The following LRIF1 variants were observed in gnomAD, a reference collection of about 807,000 sequenced individuals.
The protein encoded by LRIF1 is ligand dependent nuclear receptor interacting factor 1.
In LRIF1, 32 loss-of-function variants were observed where a neutral mutation model predicts 52.7. The ratio of observed to expected loss-of-function variants is 0.61; its 90% confidence interval spans 0.46 to 0.82. The LOEUF is 0.82. Ranked by LOEUF, LRIF1 falls within the 40% of genes least tolerant of loss-of-function variation. The pLI is 0.00. For synonymous variants in LRIF1, 323 were observed against 317.4 expected (o/e 1.02, Z -0.19); for missense variants, 887 against 892.0 (o/e 0.99, Z 0.07).
chr1:110,944,894 C>CG (rs929492867), downstream of LRIF1: 1 of 133,748 alleles, frequency 7.5e-6, no homozygotes, highest in Non-Finnish European at 1.6e-5. Context: ...CTCAAGGTTG[C>CG]TGTTTTTTTT....
chr1:110,891,000 C>G, the LRIF1 span, among the ~76,000 whole-genome samples: 4 of 152,246 alleles, frequency 2.6e-5, no homozygotes, highest in East Asian at 7.7e-4. Context: ...TGTTGGCTTT[C>G]TTGATGGCTG....
At chr1:110,929,208 T>A in the LRIF1 span, among the ~76,000 whole-genome samples, 1 of 152,354 alleles carries the variant, frequency 6.6e-6, no homozygotes, top group Non-Finnish European at 1.5e-5. Context: ...CTATTGTGAA[T>A]AGTGCTACAA....
At chr1:110,963,349 C>G (rs900530499) in intron 1 of LRIF1, 3 of 270,572 alleles carry the variant, frequency 1.1e-5, no homozygotes, top group Non-Finnish European at 2.1e-5. Flanking sequence ...GTTTTCATCT[C>G]CCGTGGAGAT....
the LRIF1 span, among the ~76,000 whole-genome samples, chr1:110,930,754 T>C: frequency 6.6e-6 from 1 of 152,174 alleles, no homozygotes; most frequent in Admixed American, 6.5e-5. Flanking sequence ...TACCACAATA[T>C]GCACAAAAAA....
At chr1:110,957,023 T>A (rs962264198) in intron 1 of LRIF1, among the ~76,000 whole-genome samples, 1 of 152,136 alleles carries the variant, frequency 6.6e-6, no homozygotes, top group African/African-American at 2.4e-5. Context: ...TTACCTATCA[T>A]AGTTTCCACT....
the LRIF1 span, chr1:110,896,693 G>A: frequency 6.2e-7 from 1 of 1,613,650 alleles, no homozygotes; most frequent in Non-Finnish European, 8.5e-7. Context: ...GATTGGACCA[G>A]TGGCCCACCA....
the LRIF1 span, among the ~76,000 whole-genome samples, chr1:110,886,549 TA>T: frequency 6.6e-6 from 1 of 152,172 alleles, no homozygotes; most frequent in South Asian, 2.1e-4. Flanking sequence ...TCTGTTCATT[TA>T]AAACATTTTA....
At chr1:110,899,641 A>G in the LRIF1 span, 1 of 165,550 alleles carries the variant, frequency 6.0e-6, no homozygotes, top group East Asian at 1.9e-4. Flanking sequence ...GACCATTGTC[A>G]CAACCCTCTG....
At chr1:110,927,656 A>G in the LRIF1 span, among the ~76,000 whole-genome samples, 2 of 152,158 alleles carry the variant, frequency 1.3e-5, no homozygotes, top group African/African-American at 2.4e-5. Flanking sequence ...AGTAGATCAG[A>G]GACAATACGG....
intron 2 of LRIF1, among the ~76,000 whole-genome samples, chr1:110,950,496 A>G (rs1286828310): frequency 6.6e-6 from 1 of 152,146 alleles, no homozygotes; most frequent in East Asian, 1.9e-4. Context: ...GAACAATCAG[A>G]ATTTACCTCC....
rs1231419765 is a variant in LRIF1 at position 110,950,079 on chromosome 1, T to C, written c.1641A>G (p.Gly547=). Residue 547 remains glycine, a synonymous_variant, in exon 3 of 4, where the codon GGA becomes GGG. Coordinates refer to ENST00000369763, the MANE Select transcript of LRIF1 (RefSeq NM_018372.4). ...MASTSDKGAQ[G]RNDKKDSQGR... is the part of the protein sequence containing the mutation. The stretch of plus-strand genomic sequence containing the variant: ...CTTGAGAATCTTTCTTGTCATTTCT[T>C]CCTTGGGCACCTTTATCTGATGTTG... The C allele has an allele frequency of 6.2e-7, 1 of 1,613,798 alleles. No homozygotes were observed. Among genetic ancestry groups the C allele is most frequent in the Non-Finnish European group, 8.5e-7 (1 of 1,179,972 alleles).
the LRIF1 span, among the ~76,000 whole-genome samples, chr1:110,900,870 A>G: frequency 6.6e-6 from 1 of 152,186 alleles, no homozygotes; most frequent in Non-Finnish European, 1.5e-5. Flanking sequence ...GTTTGGTCAA[A>G]AAAAGAAGCT....
At position 110,947,467 on chromosome 1, in the gene LRIF1, T is replaced by TA. The variant is rs934155616; in HGVS notation, c.*491dup. On this transcript the variant is annotated 3_prime_UTR_variant, in exon 4 of 4. Transcript: ENST00000369763. ...CATAATACATATTATTTCACGACAT[T>TA]AAAAAAAACAATGGTGAATACAAGG... The TA allele has an allele frequency of 5.3e-5, 8 of 152,022 alleles. No individual in the cohort carries two copies. Among genetic ancestry groups the TA allele is most frequent in the Admixed American group, 2.6e-4 (4 of 15,246 alleles). 9.4% of individuals were successfully genotyped at this position (152,022 alleles called of 1,614,324 possible). A position where few individuals can be genotyped will look rare whatever the true frequency, so the allele number is the denominator to read the frequency against.
At chr1:110,924,761 GAA>G in the LRIF1 span, among the ~76,000 whole-genome samples, 6 of 152,032 alleles carry the variant, frequency 3.9e-5, no homozygotes, top group Non-Finnish European at 8.8e-5. Context: ...TTATGATAAA[GAA>G]AAATTATAGC....
chr1:110,960,018 TTATC>T (rs1658882655), intron 1 of LRIF1, among the ~76,000 whole-genome samples: 1 of 152,128 alleles, frequency 6.6e-6, no homozygotes, highest in African/African-American at 2.4e-5. Context: ...CATAACATAG[TTATC>T]TATCCAATAA....
chr1:110,894,672 T>C, the LRIF1 span, among the ~76,000 whole-genome samples: 1 of 152,208 alleles, frequency 6.6e-6, no homozygotes, highest in East Asian at 1.9e-4. Context: ...CAGGAGAGAA[T>C]GTCTGCCTCA....
the LRIF1 span, among the ~76,000 whole-genome samples, chr1:110,879,642 A>C: frequency 1.3e-5 from 2 of 152,256 alleles, no homozygotes; most frequent in East Asian, 1.9e-4. Flanking sequence ...TGTAGCACCA[A>C]AGCTGTCTTA....
At chr1:110,923,076 G>A in the LRIF1 span, among the ~76,000 whole-genome samples, 26 of 152,090 alleles carry the variant, frequency 1.7e-4, no homozygotes, top group Admixed American at 9.8e-4. Context: ...AGGCTGAGGC[G>A]GGCGGATTGT....
At chr1:110,962,566 A>ACGGC in intron 1 of LRIF1, among the ~76,000 whole-genome samples, 1 of 151,828 alleles carries the variant, frequency 6.6e-6, no homozygotes, top group East Asian at 1.9e-4. Flanking sequence ...TAATAGTAAT[A>ACGGC]GTTAACATTT....
Sources: allele counts gnomAD v4.1 joint callset (sites outside exome capture counted in the v4.1 genomes callset), GRCh38; gene constraint gnomAD v4.1.1; transcripts MANE v1.5; gene names NCBI Gene and HGNC (gene_info 2026-07-23, HGNC 2026-07-21).